COLEC12: variants seen among roughly 807,000 people sequenced by gnomAD.
The protein encoded by COLEC12 is collectin subfamily member 12.
A neutral mutation model predicts 71.1 loss-of-function variants in COLEC12; 33 were observed. That is an observed-to-expected ratio of 0.46 (90% CI 0.35 to 0.62). The LOEUF (loss-of-function observed/expected upper bound fraction) is 0.62, where lower values mean the gene tolerates loss of function less well. Ranked by LOEUF, COLEC12 falls within the 20% of genes least tolerant of loss-of-function variation. The pLI, the probability that COLEC12 is intolerant of heterozygous loss-of-function variation, is 0.00. For synonymous variants in COLEC12, 350 were observed against 353.0 expected, an observed-to-expected ratio of 0.99 and a Z score of 0.10; for missense variants, 765 against 916.1, an observed-to-expected ratio of 0.84 and a Z score of 2.13.
chr18:326,847 G>C (rs1913856295), intron 8 of COLEC12, among the ~76,000 whole-genome samples: 1 of 152,206 alleles, frequency 6.6e-6, no homozygotes. Flanking sequence ...ATCAGTAATT[G>C]AGAGGGGAAT....
chr18:440,061 A>G (rs996114504), intron 2 of COLEC12, among the ~76,000 whole-genome samples: 2 of 151,814 alleles, frequency 1.3e-5, no homozygotes, highest in African/African-American at 4.8e-5. Flanking sequence ...TTGTGACAAC[A>G]TGGATGAAAC....
chr18:445,074 T>G (rs1372012445), intron 2 of COLEC12, among the ~76,000 whole-genome samples: 1 of 152,234 alleles, frequency 6.6e-6, no homozygotes, highest in Non-Finnish European at 1.5e-5. Flanking sequence ...GAAAATGGTT[T>G]TCCCACATGA....
At chr18:353,596 C>T (rs911198901) in intron 3 of COLEC12, among the ~76,000 whole-genome samples, 1 of 152,160 alleles carries the variant, frequency 6.6e-6, no homozygotes, top group African/African-American at 2.4e-5. Context: ...CAAGTATCTG[C>T]CATGTAGGTG....
chr18:478,755 T>G (rs1406240394), intron 2 of COLEC12, among the ~76,000 whole-genome samples: 1 of 152,234 alleles, frequency 6.6e-6, no homozygotes, highest in Non-Finnish European at 1.5e-5. Context: ...AATGTCTCTT[T>G]CATAGACTAT....
rs11308085 is a variant in COLEC12 at position 446,554 on chromosome 18, AT to A, written c.58+34152del. 5.1e-4 allele frequency among the ~76,000 whole-genome samples: 67 copies of A among 130,480 alleles called. No homozygotes were observed. The South Asian group carries it at 5.3e-3, about 10-fold the overall frequency. The allele number at this position is 130,480 out of a possible 152,430, so 85.6% of individuals were successfully genotyped here. A position where few individuals can be genotyped will look rare whatever the true frequency, so the allele number is the denominator to read the frequency against. On this transcript the variant is annotated intron_variant, in intron 2 of 9. Coordinates refer to ENST00000400256, the MANE Select transcript of COLEC12 (RefSeq NM_130386.3). ...CTATCTCTGTAAAAAAAAAAAAAAA[AT>A]TTTTTTTTTTTTTTGTTTAAGTAGC...
intron 2 of COLEC12, among the ~76,000 whole-genome samples, chr18:389,661 C>T (rs1292815986): frequency 6.6e-6 from 1 of 151,970 alleles, no homozygotes; most frequent in African/African-American, 2.4e-5. Context: ...TAACAACAAG[C>T]CCCTTTTGGA....
intron 2 of COLEC12, among the ~76,000 whole-genome samples, chr18:413,666 A>G (rs7234497): frequency 0.038 from 5,810 of 152,328 alleles, 169 homozygotes; most frequent in East Asian, 0.18. Context: ...TCTATAAAAA[A>G]TTTAAAAAAG....
chr18:406,515 C>CAAAAAAAAA (rs34263909), intron 2 of COLEC12, among the ~76,000 whole-genome samples: 2 of 90,460 alleles, frequency 2.2e-5, no homozygotes, highest in African/African-American at 9.7e-5. Flanking sequence ...GACTCCGTCT[C>CAAAAAAAAA]AAAAAAAAAA....
chr18:387,969 A>G (rs1383808501), intron 2 of COLEC12, among the ~76,000 whole-genome samples: 3 of 139,258 alleles, frequency 2.2e-5, no homozygotes, highest in Non-Finnish European at 4.7e-5. Context: ...AAATTAATGC[A>G]TGGGGAAGGG....
rs2143441277 is a variant in COLEC12, at chr18:335,091, T to C, written c.1467A>G (p.Pro489=). The C allele has an allele frequency of 6.2e-7, 1 of 1,612,414 alleles. No homozygotes were observed. Among genetic ancestry groups the C allele is most frequent in the Non-Finnish European group, 8.5e-7 (1 of 1,179,492 alleles). The change falls in exon 6 of 10, where the codon CCA becomes CCG. Residue 489 remains proline, a synonymous_variant. Transcript: ENST00000400256. ...GPAGERGPIG[P]AGPPGERGGK... ...CGCCACGCTCTCCGGGGGGACCAGC[T>C]GGTCCAATTGGGCCTCTCTCACCCG... is the stretch of plus-strand genomic sequence containing the variant.
Position 383,402 on chromosome 18 carries a change from GATGT to G in COLEC12, c.59-25884_59-25881del, listed in dbSNP as rs1482315709. ...GGAGGGAGTGAGGTCTCAGGAGGGA[GATGT>G]ATGTGCCCAACTCCCCGTATGTCTC... On this transcript the variant is annotated intron_variant, in intron 2 of 9. Transcript: ENST00000400256. 2.6e-5 allele frequency among the ~76,000 whole-genome samples: 4 copies of G among 152,072 alleles called. No individual in the cohort carries two copies. The South Asian group carries it at 6.2e-4, about 24-fold the overall frequency.
intron 2 of COLEC12, among the ~76,000 whole-genome samples, chr18:392,278 G>A (rs71352938): frequency 0.057 from 8,652 of 152,176 alleles, 344 homozygotes; most frequent in Non-Finnish European, 0.092. Context: ...TACTCTTCTG[G>A]ATAACTCGCC....
intron 2 of COLEC12, among the ~76,000 whole-genome samples, chr18:392,007 T>G (rs1312413556): frequency 6.6e-6 from 1 of 152,172 alleles, no homozygotes; most frequent in African/African-American, 2.4e-5. Flanking sequence ...GTTTGGTAAA[T>G]AAAGGGTGGA....
At chr18:405,359 G>A (rs986831733) in intron 2 of COLEC12, among the ~76,000 whole-genome samples, 48 of 152,052 alleles carry the variant, frequency 3.2e-4, no homozygotes, top group African/African-American at 9.2e-4. Flanking sequence ...CCTTTGAAGC[G>A]TGTGATCTTT....
chr18:456,110 T>C (rs531661796), intron 2 of COLEC12, among the ~76,000 whole-genome samples: 300 of 152,260 alleles, frequency 2.0e-3, no homozygotes, highest in Middle Eastern at 3.4e-3. Flanking sequence ...GTACCTTCTA[T>C]GGAGCATTTT....
At chr18:410,463 G>C (rs1253559427) in intron 2 of COLEC12, among the ~76,000 whole-genome samples, 1 of 151,030 alleles carries the variant, frequency 6.6e-6, no homozygotes, top group African/African-American at 2.4e-5. Flanking sequence ...TTTTAAGACG[G>C]AGTCCGCTCT....
At position 347,294 on chromosome 18, in the gene COLEC12, T is replaced by C; in HGVS notation, c.328A>G (p.Thr110Ala). ...AGATCTAGAATGTCTGATCTGAAGG[T>C]GGAGAGTTCTGAGTTGGTGCTGATA... The part of the protein sequence containing the change: ...KAISTNSELS[T>A]FRSDILDLRQ... The change falls in exon 5 of 10, where the codon ACC (threonine) becomes GCC (alanine). Residue 110 changes from threonine to alanine, a missense_variant. Coordinates refer to ENST00000400256, the MANE Select transcript of COLEC12 (RefSeq NM_130386.3). 1.2e-6 allele frequency: 2 copies of C among 1,614,096 alleles called. No individual in the cohort carries two copies. Among genetic ancestry groups the C allele is most frequent in the Non-Finnish European group, 1.7e-6 (2 of 1,180,018 alleles).
chr18:357,120 C>T (rs111358140), intron 3 of COLEC12, among the ~76,000 whole-genome samples: 1 of 151,840 alleles, frequency 6.6e-6, no homozygotes, highest in African/African-American at 2.4e-5. Context: ...GAAGGAGTAG[C>T]TAGAAATAGG....
At chr18:433,260 T>C (rs1409922180) in intron 2 of COLEC12, among the ~76,000 whole-genome samples, 2 of 152,110 alleles carry the variant, frequency 1.3e-5, no homozygotes, top group Admixed American at 1.3e-4. Flanking sequence ...AAGGATCAAG[T>C]CATATCATTA....
Sources: gnomAD v4.1 joint callset for allele counts (sites outside exome capture counted in the v4.1 genomes callset) on GRCh38, gnomAD v4.1.1 for gene constraint, MANE v1.5 for transcripts, NCBI Gene and HGNC (gene_info 2026-07-23, HGNC 2026-07-21) for gene names.